POSTN: variants seen among roughly 807,000 people sequenced by gnomAD.
POSTN encodes the protein osteoblast specific factor 2 (fasciclin I-like).
A neutral mutation model predicts 104.5 loss-of-function variants in POSTN; 71 were observed. That is an observed-to-expected ratio of 0.68 (90% CI 0.56 to 0.83). POSTN has a LOEUF of 0.83. POSTN is among the 40% of genes least tolerant of loss of function. POSTN has a pLI of 0.00. For missense variants in POSTN, 949 were observed against 1,006.8 expected (o/e 0.94, Z 0.78); for synonymous variants, 355 against 340.7 (o/e 1.04, Z -0.46).
At chr13:37,586,752 T>C (rs1432179845) in intron 6 of POSTN, 30 bp downstream of exon 6, 1 of 1,568,914 alleles carries the variant, frequency 6.4e-7, no homozygotes, top group Non-Finnish European at 8.6e-7. Context: ...GGGATTTCAA[T>C]GACTCAAGAC....
At chr13:37,586,728 A>G in intron 6 of POSTN, 54 bp downstream of exon 6, 1 of 1,507,636 alleles carries the variant, frequency 6.6e-7, no homozygotes, top group South Asian at 1.2e-5. Context: ...TTAGATTTTG[A>G]CAGGAGAAGA....
intron 11 of POSTN, 40 bp downstream of exon 11, chr13:37,580,521 T>A (rs779288679): frequency 1.9e-6 from 3 of 1,611,174 alleles, no homozygotes; most frequent in East Asian, 2.2e-5. Context: ...AATATGCCAA[T>A]AGCTCTCATT....
chr13:37,593,879 T>G (rs1951012219), intron 2 of POSTN, among the ~76,000 whole-genome samples: 1 of 151,710 alleles, frequency 6.6e-6, no homozygotes, highest in Admixed American at 6.6e-5. Flanking sequence ...TGTAGTCTGG[T>G]TTATAACCTT....
rs961873004 is a variant in POSTN, at chr13:37,590,557, CT to C, written c.284-29del. 3 of 1,552,708 alleles carry C rather than the reference CT, an allele frequency of 1.9e-6. No individual in the cohort carries two copies. The African/African-American group carries it at 4.1e-5, about 21-fold the overall frequency. ...GAAATAATCAAGAAATGAATCAGTA[CT>C]GGGGATAATATTCTCAGGATATTAT... On this transcript the variant is annotated intron_variant, in intron 3 of 22. Coordinates refer to ENST00000379747, the MANE Select transcript of POSTN (RefSeq NM_006475.3).
chr13:37,580,572 A>T lies in POSTN; in HGVS notation c.1518T>A (p.Asp506Glu). 1 of 1,614,076 alleles carries T rather than the reference A, an allele frequency of 6.2e-7. No individual in the cohort carries two copies. Among genetic ancestry groups the T allele is most frequent in the Non-Finnish European group, 8.5e-7 (1 of 1,179,988 alleles). ...EKSLHEKLKQ[D>E]KRFSTFLSLL... is the part of the protein sequence containing the mutation. ...ACTAATAGGCTTACCTAAAGCGCTT[A>T]TCTTGTTTTAACTTTTCATGGAGGG... The change falls in exon 11 of 23, where the codon GAT becomes GAA. Residue 506 changes from aspartate to glutamate, a missense_variant. Coordinates refer to ENST00000379747, the MANE Select transcript of POSTN (RefSeq NM_006475.3).
chr13:37,566,442 T>C (rs1950104091), intron 21 of POSTN, among the ~76,000 whole-genome samples: 1 of 152,184 alleles, frequency 6.6e-6, no homozygotes, highest in Non-Finnish European at 1.5e-5. Flanking sequence ...TGATTGACAG[T>C]AACATTTGAT....
At chr13:37,595,724 A>T (rs1272089048) in intron 2 of POSTN, among the ~76,000 whole-genome samples, 1 of 151,480 alleles carries the variant, frequency 6.6e-6, no homozygotes, top group Non-Finnish European at 1.5e-5. Flanking sequence ...AATTCATTTT[A>T]TTTTCTCAGA....
At chr13:37,580,719 T>TGGG (rs34396369) in intron 10 of POSTN, 22 bp from the exon 11 acceptor site, 15 of 1,613,248 alleles carry the variant, frequency 9.3e-6, no homozygotes, top group Admixed American at 1.7e-5. Context: ...AAGAAAGGTA[T>TGGG]GGGGTGTCAT....
Position 37,570,674 on chromosome 13 carries a change from A to T in POSTN, c.2180-5T>A. 6.4e-7 allele frequency: 1 copy of T among 1,569,328 alleles called. No homozygotes were observed. Among genetic ancestry groups the T allele is most frequent in the Non-Finnish European group, 8.8e-7 (1 of 1,140,002 alleles). ...TGTATTTTTTAATAATTGGCTCTAA[A>T]AGCAGGGGAATACAAATGCATTTGA... On this transcript the variant is annotated splice_region_variant and splice_polypyrimidine_tract_variant and intron_variant, in intron 18 of 22. Transcript: ENST00000379747.
intron 18 of POSTN, 200 bp from the exon 19 acceptor site, chr13:37,570,869 T>C (rs1206615923): frequency 4.3e-6 from 2 of 468,106 alleles, no homozygotes; most frequent in Non-Finnish European, 7.7e-6. Context: ...TGAATCTTGG[T>C]TGAGAGAGAG....
intron 2 of POSTN, among the ~76,000 whole-genome samples, chr13:37,595,913 C>A (rs568778123): frequency 6.6e-6 from 1 of 150,936 alleles, no homozygotes; most frequent in Non-Finnish European, 1.5e-5. Flanking sequence ...TAGGTTCAAG[C>A]GATTCTCCTG....
chr13:37,584,651 G>A, intron 8 of POSTN, 65 bp downstream of exon 8: 1 of 1,305,464 alleles, frequency 7.7e-7, no homozygotes, highest in Non-Finnish European at 1.1e-6. Flanking sequence ...TACTCTTTGA[G>A]ACAGCATAAT....
chr13:37,592,281 G>GTT (rs67303425), intron 2 of POSTN, 117 bp from the exon 3 acceptor site: 29 of 636,200 alleles, frequency 4.6e-5, no homozygotes, highest in Non-Finnish European at 7.1e-5. Flanking sequence ...TAAAAATCAG[G>GTT]TTTTTTTTCC....
rs1053605769 is a variant in POSTN at position 37,582,502 on chromosome 13, C to A, written c.1256G>T (p.Ser419Ile). 2 of 1,601,360 alleles carry A rather than the reference C, an allele frequency of 1.2e-6. No homozygotes were observed. The highest frequency in any genetic ancestry group is 1.7e-6 in the Non-Finnish European group (2 of 1,176,182). ...VNNAFSDDTLSMDQRLLKLIL... is the reference protein window; with the variant it reads ...VNNAFSDDTLIMDQRLLKLIL... ...TAATTTAAGGAGGCGCTGATCCATG[C>A]TGAGAGTATCATCTGTAAATAAATT... Residue 419 changes from serine (S) to isoleucine (I), a missense_variant, in exon 10 of 23, where the codon AGC becomes ATC. Transcript: ENST00000379747.
intron 15 of POSTN, among the ~76,000 whole-genome samples, chr13:37,578,017 ATAAT>A (rs1335462614): frequency 1.3e-4 from 19 of 151,874 alleles, no homozygotes; most frequent in African/African-American, 4.8e-5. Context: ...AAATTATATA[ATAAT>A]TAATCCAAAG....
intron 8 of POSTN, 147 bp downstream of exon 8, chr13:37,584,569 A>T: frequency 1.5e-6 from 1 of 683,258 alleles, no homozygotes; most frequent in East Asian, 2.7e-5. Context: ...GGAGTGCTCA[A>T]GTAGCTCACT....
Position 37,583,950 on chromosome 13 carries a change from A to G in POSTN, c.1243+19T>C. The G allele has an allele frequency of 6.2e-6, 10 of 1,603,410 alleles. No homozygotes were observed. The highest frequency in any genetic ancestry group is 7.7e-6 in the Non-Finnish European group (9 of 1,173,280). ...AGGTGTGTAGGCAGAGAGCAGGAAC[A>G]ACAGTGTCCAGCACATACCAGAAAA... On this transcript the variant is annotated intron_variant, in intron 9 of 22. Coordinates refer to ENST00000379747, the MANE Select transcript of POSTN (RefSeq NM_006475.3).
rs964296485 is a variant in POSTN, at chr13:37,574,439, G to A, written c.2089+133C>T. Reference sequence around the variant, plus strand: ...CCGCATTCTGCAATTACATGAGCATGCCATTGGTATAATATTGGTTATATA... The same window carrying A: ...CCGCATTCTGCAATTACATGAGCATACCATTGGTATAATATTGGTTATATA... On this transcript the variant is annotated intron_variant, in intron 17 of 22. Coordinates refer to ENST00000379747, the MANE Select transcript of POSTN (RefSeq NM_006475.3). 9.7e-6 allele frequency: 12 copies of A among 1,231,616 alleles called. No individual in the cohort carries two copies. In the African/African-American group the frequency reaches 1.6e-4, roughly 16 times the overall value. The allele number at this position is 1,231,616 out of a possible 1,614,324, so 76.3% of individuals were successfully genotyped here.
At chr13:37,585,748 G>A (rs1172948286) in intron 7 of POSTN, among the ~76,000 whole-genome samples, 1 of 152,152 alleles carries the variant, frequency 6.6e-6, no homozygotes, top group Non-Finnish European at 1.5e-5. Context: ...ATGTGTATCA[G>A]TAATTAGAGG....
Sources: allele counts gnomAD v4.1 joint callset (sites outside exome capture counted in the v4.1 genomes callset), GRCh38; gene constraint gnomAD v4.1.1; transcripts MANE v1.5; gene names NCBI Gene and HGNC (gene_info 2026-07-23, HGNC 2026-07-21).